AKR1E2: variants seen among roughly 807,000 people sequenced by gnomAD.
AKR1E2 encodes the protein 1,5-anhydro-D-fructose reductase.
In AKR1E2, 43 loss-of-function variants were observed where a neutral mutation model predicts 41.9. That is an observed-to-expected ratio of 1.03 (90% CI 0.80 to 1.32). AKR1E2 has a LOEUF of 1.32. AKR1E2 is among the 40% of genes most tolerant of loss of function. The pLI, the probability that AKR1E2 is intolerant of heterozygous loss-of-function variation, is 0.00. For synonymous variants in AKR1E2, 121 were observed against 138.9 expected, an observed-to-expected ratio of 0.87 and a Z score of 0.91; for missense variants, 423 against 396.5, an observed-to-expected ratio of 1.07 and a Z score of -0.57.
the AKR1E2 span, among the ~76,000 whole-genome samples, chr10:4,857,096 T>C: frequency 6.6e-6 from 1 of 152,166 alleles, no homozygotes; most frequent in East Asian, 1.9e-4. Context: ...AATCACACAA[T>C]ATTTGCCTTT....
intron 3 of AKR1E2, among the ~76,000 whole-genome samples, chr10:4,835,451 G>C (rs547362194): frequency 6.6e-6 from 1 of 152,302 alleles, no homozygotes; most frequent in East Asian, 1.9e-4. Flanking sequence ...TTCCCATCTT[G>C]TGAGAGATGA....
chr10:4,856,620 T>G, the AKR1E2 span, among the ~76,000 whole-genome samples: 6 of 152,206 alleles, frequency 3.9e-5, no homozygotes, highest in Non-Finnish European at 8.8e-5. Context: ...GTGTTTGATT[T>G]TCTTTCAGGT....
intron 3 of AKR1E2, among the ~76,000 whole-genome samples, chr10:4,833,987 A>C (rs536254845): frequency 6.6e-6 from 1 of 152,304 alleles, no homozygotes; most frequent in East Asian, 1.9e-4. Context: ...TGGAGCATGC[A>C]TCTGAGCCAT....
At chr10:4,846,824 G>A (rs4881354) in intron 8 of AKR1E2, among the ~76,000 whole-genome samples, 96,131 of 152,052 alleles carry the variant, frequency 0.63, 31,387 homozygotes, top group East Asian at 0.76. Context: ...GATTACAGGC[G>A]TGAACCACCG....
chr10:4,844,805 C>T (rs1834188524), intron 8 of AKR1E2, among the ~76,000 whole-genome samples: 1 of 152,232 alleles, frequency 6.6e-6, no homozygotes, highest in African/African-American at 2.4e-5. Context: ...CCTAGCTAGA[C>T]ATAAAGGTTT....
chr10:4,833,382 G>A lies in AKR1E2; in HGVS notation c.240G>A (p.Val80=), dbSNP rs1833133179. 1.9e-6 allele frequency: 3 copies of A among 1,614,156 alleles called. No homozygotes were observed. The highest frequency in any genetic ancestry group is 2.5e-6 in the Non-Finnish European group (3 of 1,180,018). The change falls in exon 3 of 10, where the codon GTG becomes GTA. Residue 80 remains valine (V), a synonymous_variant. Transcript: ENST00000298375. ...GCACCTGCCATAAGAAGTCCTTGGT[G>A]GAAACAGCATGCAGAAAGAGTCTCA... ...LWCTCHKKSL[V]ETACRKSLKA... is the part of the protein sequence containing the mutation.
At chr10:4,873,020 AG>A in the AKR1E2 span, among the ~76,000 whole-genome samples, 1 of 152,176 alleles carries the variant, frequency 6.6e-6, no homozygotes, top group Non-Finnish European at 1.5e-5. Context: ...GACATATGTC[AG>A]TGATGTGGTT....
At chr10:4,867,844 A>C in the AKR1E2 span, among the ~76,000 whole-genome samples, 1 of 152,176 alleles carries the variant, frequency 6.6e-6, no homozygotes, top group African/African-American at 2.4e-5. Flanking sequence ...AGCGAGAGGC[A>C]GCGTCCTCAG....
the AKR1E2 span, among the ~76,000 whole-genome samples, chr10:4,873,119 A>C: frequency 6.6e-6 from 1 of 152,060 alleles, no homozygotes; most frequent in Non-Finnish European, 1.5e-5. Context: ...GAGGTGGTTG[A>C]ATTATGAGGG....
At chr10:4,853,346 G>A in the AKR1E2 span, among the ~76,000 whole-genome samples, 1 of 151,610 alleles carries the variant, frequency 6.6e-6, no homozygotes, top group East Asian at 1.9e-4. Flanking sequence ...CATATTTAGA[G>A]CTTTTTCAGA....
At chr10:4,844,054 G>A (rs1223969572) in intron 8 of AKR1E2, among the ~76,000 whole-genome samples, 1 of 152,218 alleles carries the variant, frequency 6.6e-6, no homozygotes, top group Non-Finnish European at 1.5e-5. Flanking sequence ...GTCCGGAATT[G>A]GTGGGTTCTT....
chr10:4,852,306 G>A (rs1048700656), downstream of AKR1E2, among the ~76,000 whole-genome samples: 6 of 152,188 alleles, frequency 3.9e-5, no homozygotes, highest in Admixed American at 2.0e-4. Context: ...TCTCTAGGGG[G>A]AAGTGGAAAA....
At chr10:4,833,311 G>C in intron 2 of AKR1E2, 39 bp from the exon 3 acceptor site, 2 of 1,527,564 alleles carry the variant, frequency 1.3e-6, no homozygotes, top group Non-Finnish European at 1.8e-6. Context: ...TGCTGGCTCT[G>C]GGTGGGCACG....
chr10:4,839,608 C>A, intron 5 of AKR1E2, 121 bp from the exon 6 acceptor site: 2 of 824,786 alleles, frequency 2.4e-6, no homozygotes, highest in Middle Eastern at 2.2e-4. Context: ...AACACTTAGG[C>A]CTGGAGCTGG....
chr10:4,827,088 A>AAG (rs1554753021), intron 1 of AKR1E2, among the ~76,000 whole-genome samples: 3 of 150,684 alleles, frequency 2.0e-5, no homozygotes, highest in Admixed American at 6.6e-5. Flanking sequence ...AAAAAAAAAA[A>AAG]AAAAAGAAAA....
chr10:4,833,411 C>T lies in AKR1E2; in HGVS notation c.269C>T (p.Ala90Val), dbSNP rs2131512436. ...ACAGCATGCAGAAAGAGTCTCAAGG[C>T]CTTGAAGCTGAACTATTTGGACCTC... ...VETACRKSLK[A>V]LKLNYLDLYL... Residue 90 changes from alanine (A) to valine (V), a missense_variant, in exon 3 of 10, where the codon GCC (alanine) becomes GTC (valine). Ala to Val is a moderately conservative substitution (Grantham distance 64, BLOSUM62 0). Transcript: ENST00000298375. 3.1e-6 allele frequency: 5 copies of T among 1,614,164 alleles called. No homozygotes were observed. Among genetic ancestry groups the T allele is most frequent in the South Asian group, 1.1e-5 (1 of 91,078 alleles).
At chr10:4,835,622 TTTTTG>T (rs61708526) in intron 3 of AKR1E2, 48 bp from the exon 4 acceptor site, 54 of 1,553,834 alleles carry the variant, frequency 3.5e-5, no homozygotes, top group African/African-American at 1.2e-4. Context: ...CACATGGTTT[TTTTTG>T]TTTTGTTTTG....
chr10:4,844,160 CGG>C (rs1396842295), intron 8 of AKR1E2, among the ~76,000 whole-genome samples: 1 of 152,066 alleles, frequency 6.6e-6, no homozygotes, highest in Non-Finnish European at 1.5e-5. Flanking sequence ...TTCTGATGTT[CGG>C]ATGTGTTCGG....
the AKR1E2 span, among the ~76,000 whole-genome samples, chr10:4,857,988 A>G: frequency 1.3e-5 from 2 of 152,102 alleles, no homozygotes; most frequent in African/African-American, 4.8e-5. Context: ...TCTATTTTAT[A>G]TATCTCTTCT....
Sources: allele counts gnomAD v4.1 joint callset (sites outside exome capture counted in the v4.1 genomes callset), GRCh38; gene constraint gnomAD v4.1.1; transcripts MANE v1.5; gene names NCBI Gene and HGNC (gene_info 2026-07-23, HGNC 2026-07-21).